Variants in CIMIP6 observed in about 807,000 individuals in gnomAD.
CIMIP6 encodes uncharacterized protein C2orf73.
the CIMIP6 span, chr2:54,359,129 C>T: frequency 1.2e-4 from 118 of 1,023,278 alleles, no homozygotes; most frequent in Admixed American, 2.9e-4. Context: ...ATTTGTAGAA[C>T]TTTAAGCTTT....
chr2:54,348,397 T>C, the CIMIP6 span, among the ~76,000 whole-genome samples: 1 of 152,220 alleles, frequency 6.6e-6, no homozygotes, highest in Non-Finnish European at 1.5e-5. Context: ...ATTCTCTCTC[T>C]GTTCTTTTAT....
chr2:54,340,483 C>G, the CIMIP6 span, among the ~76,000 whole-genome samples: 1 of 152,172 alleles, frequency 6.6e-6, no homozygotes, highest in Non-Finnish European at 1.5e-5. Flanking sequence ...GGCACATAAG[C>G]ACTTTCACTC....
chr2:54,360,077 T>G, the CIMIP6 span: 7 of 1,212,190 alleles, frequency 5.8e-6, no homozygotes, highest in Non-Finnish European at 7.7e-6. Context: ...GTGACACCAA[T>G]GAAGAGGCAG....
chr2:54,345,812 C>T, the CIMIP6 span, among the ~76,000 whole-genome samples: 1 of 152,134 alleles, frequency 6.6e-6, no homozygotes, highest in Non-Finnish European at 1.5e-5. Flanking sequence ...TATGCACACC[C>T]TACATATCAT....
At chr2:54,371,160 G>C in the CIMIP6 span, among the ~76,000 whole-genome samples, 1 of 152,188 alleles carries the variant, frequency 6.6e-6, no homozygotes, top group African/African-American at 2.4e-5. Flanking sequence ...TTTTTAGGCT[G>C]TTTAAGAAGA....
chr2:54,359,597 C>CAATAAT, the CIMIP6 span, among the ~76,000 whole-genome samples: 1,306 of 149,096 alleles, frequency 8.8e-3, 18 homozygotes, highest in African/African-American at 0.03. Flanking sequence ...TTTCTAATAA[C>CAATAAT]AATAATAATA....
At chr2:54,338,277 A>G in the CIMIP6 span, among the ~76,000 whole-genome samples, 2 of 152,064 alleles carry the variant, frequency 1.3e-5, no homozygotes, top group Admixed American at 6.6e-5. Flanking sequence ...TACAAAAATA[A>G]ATAAATAAAT....
At chr2:54,336,628 A>G in the CIMIP6 span, among the ~76,000 whole-genome samples, 1 of 152,228 alleles carries the variant, frequency 6.6e-6, no homozygotes, top group East Asian at 1.9e-4. Context: ...TCCTGTCCTT[A>G]CATAGCTTAC....
chr2:54,357,753 T>G, the CIMIP6 span, among the ~76,000 whole-genome samples: 1,137 of 151,188 alleles, frequency 7.5e-3, 11 homozygotes, highest in Non-Finnish European at 0.01. Flanking sequence ...ATTTTTTTTT[T>G]TTTTGTATTT....
the CIMIP6 span, among the ~76,000 whole-genome samples, chr2:54,332,043 G>A: frequency 6.6e-6 from 1 of 152,196 alleles, no homozygotes; most frequent in Non-Finnish European, 1.5e-5. Flanking sequence ...GGTCACAATT[G>A]ATGCCAATGC....
chr2:54,366,835 T>C, the CIMIP6 span, among the ~76,000 whole-genome samples: 7 of 152,240 alleles, frequency 4.6e-5, no homozygotes, highest in African/African-American at 1.2e-4. Context: ...CACAGATTAA[T>C]AGTAATTGCA....
chr2:54,334,531 A>T, the CIMIP6 span, among the ~76,000 whole-genome samples: 4 of 152,230 alleles, frequency 2.6e-5, no homozygotes, highest in African/African-American at 9.6e-5. Context: ...ATGGAAGCAT[A>T]ATCCAATCAC....
the CIMIP6 span, among the ~76,000 whole-genome samples, chr2:54,380,473 A>G: frequency 3.3e-5 from 5 of 152,118 alleles, no homozygotes; most frequent in Non-Finnish European, 7.4e-5. Context: ...TCTCATTTGC[A>G]TGTATTCAAG....
At chr2:54,379,892 G>T in the CIMIP6 span, among the ~76,000 whole-genome samples, 3 of 151,750 alleles carry the variant, frequency 2.0e-5, no homozygotes, top group South Asian at 6.3e-4. Flanking sequence ...CAAGAGACTC[G>T]CTTGAACCCA....
At chr2:54,361,455 T>C in the CIMIP6 span, 1 of 152,218 alleles carries the variant, frequency 6.6e-6, no homozygotes, top group African/African-American at 2.4e-5. Flanking sequence ...TCCTCTGTTA[T>C]AAAGAGTATT....
At chr2:54,355,836 CTTATT>C in the CIMIP6 span, among the ~76,000 whole-genome samples, 1 of 152,024 alleles carries the variant, frequency 6.6e-6, no homozygotes, top group East Asian at 1.9e-4. Flanking sequence ...ATTTGTTATG[CTTATT>C]TTAAATTCTT....
At chr2:54,374,109 A>C in the CIMIP6 span, among the ~76,000 whole-genome samples, 1 of 151,994 alleles carries the variant, frequency 6.6e-6, no homozygotes, top group Non-Finnish European at 1.5e-5. Flanking sequence ...GCCGTTTCTT[A>C]CCTCCTTAGC....
At chr2:54,373,316 C>T in the CIMIP6 span, among the ~76,000 whole-genome samples, 18 of 136,516 alleles carry the variant, frequency 1.3e-4, no homozygotes, top group African/African-American at 3.2e-4. Flanking sequence ...CTCATGCTGC[C>T]GCCTGGGCTG....
the CIMIP6 span, among the ~76,000 whole-genome samples, chr2:54,352,371 T>TA: frequency 1.3e-5 from 2 of 152,190 alleles, no homozygotes. Context: ...AATTGTCTGA[T>TA]ATGCTATTTG....
Sources: gnomAD v4.1 joint callset for allele counts (sites outside exome capture counted in the v4.1 genomes callset) on GRCh38, gnomAD v4.1.1 for gene constraint, MANE v1.5 for transcripts, NCBI Gene and HGNC (gene_info 2026-07-23, HGNC 2026-07-21) for gene names.